TP53INP1: variants seen among roughly 807,000 people sequenced by gnomAD.
The protein encoded by TP53INP1 is tumor protein p53 inducible nuclear protein 1.
Under a neutral mutation model 21.0 loss-of-function variants are expected in TP53INP1, and 12 were observed. The observed-to-expected ratio is 0.57, with a 90% CI of 0.37 to 0.93. The LOEUF is 0.93. TP53INP1 is among the 40% of genes least tolerant of loss of function. The probability of loss-of-function intolerance (pLI) is 0.01; values close to 1 mark genes in which losing one functional copy is unlikely to be tolerated. For synonymous variants in TP53INP1, 91 were observed against 94.8 expected (o/e 0.96, Z 0.23); for missense variants, 274 against 294.7 (o/e 0.93, Z 0.51).
At chr8:94,932,094 A>G (rs1251489543) in intron 3 of TP53INP1, 1 of 1,610,636 alleles carries the variant, frequency 6.2e-7, no homozygotes, top group Non-Finnish European at 8.5e-7. Context: ...TCTTATAAGC[A>G]GCTTTTCCTG....
chr8:94,938,448 C>T (rs1821203390), intron 3 of TP53INP1, among the ~76,000 whole-genome samples: 1 of 152,186 alleles, frequency 6.6e-6, no homozygotes, highest in South Asian at 2.1e-4. Flanking sequence ...ATGTGGAAAG[C>T]GTATGCTAAT....
intron 1 of TP53INP1, among the ~76,000 whole-genome samples, chr8:94,948,383 T>C (rs1205474287): frequency 6.6e-6 from 1 of 152,178 alleles, no homozygotes; most frequent in Non-Finnish European, 1.5e-5. Context: ...CCCAGCATAG[T>C]ATATGGCACA....
At chr8:94,948,013 AC>A (rs908018074) in intron 1 of TP53INP1, among the ~76,000 whole-genome samples, 2 of 152,104 alleles carry the variant, frequency 1.3e-5, no homozygotes, top group Non-Finnish European at 2.9e-5. Flanking sequence ...CTGTTCAGTG[AC>A]CCCAAGGGTC....
At chr8:94,938,503 A>G (rs1821208184) in intron 3 of TP53INP1, among the ~76,000 whole-genome samples, 2 of 152,362 alleles carry the variant, frequency 1.3e-5, no homozygotes, top group East Asian at 3.9e-4. Context: ...TCAGGATGGG[A>G]TGTGGTCACT....
chr8:94,932,791 A>G (rs902134467), intron 3 of TP53INP1, among the ~76,000 whole-genome samples: 6 of 152,228 alleles, frequency 3.9e-5, no homozygotes, highest in African/African-American at 9.6e-5. Flanking sequence ...CGAAGGAGCG[A>G]GACTCCGTCT....
Position 94,940,150 on chromosome 8 carries a change from C to T in TP53INP1, c.183G>A (p.Glu61=), listed in dbSNP as rs780772403. ...EEDISEESPT[E]HPSVFSCLPA... ...GTAAACAGGAAAAGACTGAAGGGTG[C>T]TCAGTAGGTGACTCTTCACTGATGT... Residue 61 remains glutamate, a synonymous_variant, in exon 3 of 4, where the codon GAG becomes GAA. Coordinates refer to ENST00000342697, the MANE Select transcript of TP53INP1 (RefSeq NM_033285.4). 19 of 1,614,042 alleles carry T rather than the reference C, an allele frequency of 1.2e-5. No homozygotes were observed. The African/African-American group carries it at 2.1e-4, about 18-fold the overall frequency.
intron 1 of TP53INP1, chr8:94,945,730 T>A (rs1821925315): frequency 6.6e-6 from 1 of 152,214 alleles, no homozygotes; most frequent in African/African-American, 2.4e-5. Context: ...AAAGCATGTG[T>A]CCTAAGAGGA....
chr8:94,942,658 C>G (rs1821657065), intron 1 of TP53INP1, among the ~76,000 whole-genome samples: 1 of 152,170 alleles, frequency 6.6e-6, no homozygotes, highest in East Asian at 1.9e-4. Context: ...GTGAACAGGG[C>G]CCTCCCACAA....
chr8:94,937,260 G>A (rs1330811755), intron 3 of TP53INP1, among the ~76,000 whole-genome samples: 1 of 152,106 alleles, frequency 6.6e-6, no homozygotes, highest in African/African-American at 2.4e-5. Flanking sequence ...GGCAAATATG[G>A]TGAAACCCCC....
intron 3 of TP53INP1, among the ~76,000 whole-genome samples, chr8:94,931,296 A>C (rs1820367582): frequency 6.6e-6 from 1 of 152,192 alleles, no homozygotes; most frequent in Admixed American, 6.5e-5. Context: ...TTCTAGATAA[A>C]AAGCTATAGC....
rs753959036 is a variant in TP53INP1 at position 94,940,109 on chromosome 8, C to A, written c.224G>T (p.Cys75Phe). Residue 75 changes from cysteine to phenylalanine, a missense_variant, in exon 3 of 4, where the codon TGC (cysteine) becomes TTC (phenylalanine). Cys to Phe is a radical substitution (Grantham distance 205). Transcript: ENST00000342697. ...VFSCLPASLE[C>F]LADTSDSCFL... is the part of the protein sequence containing the mutation. ...GCAGGAATCACTTGTATCAGCCAAG[C>A]ACTCAAGAGATGCCGGTAAACAGGA... 8.1e-6 allele frequency: 13 copies of A among 1,614,104 alleles called. No individual in the cohort carries two copies. In the African/African-American group the frequency reaches 1.5e-4, roughly 18 times the overall value.
At position 94,927,831 on chromosome 8, in the gene TP53INP1, C is replaced by T. The variant is rs947582141; in HGVS notation, c.*2648G>A. ...TGTTAACAGTTTAGAGCTACTAATT[C>T]AGAGAGGTCTTATTTCTCACTGCTT... On this transcript the variant is annotated 3_prime_UTR_variant, in exon 4 of 4. Transcript: ENST00000342697. The T allele has an allele frequency of 3.9e-5, 6 of 152,242 alleles. No homozygotes were observed. Among genetic ancestry groups the T allele is most frequent in the Admixed American group, 1.3e-4 (2 of 15,218 alleles). The allele number at this position is 152,242 out of a possible 1,614,324, so 9.4% of individuals were successfully genotyped here.
At position 94,930,737 on chromosome 8, in the gene TP53INP1, GA is replaced by G. The variant is rs771092479; in HGVS notation, c.474-10del. 6 of 1,606,858 alleles carry G rather than the reference GA, an allele frequency of 3.7e-6. No homozygotes were observed. In the Admixed American group the frequency reaches 8.6e-5, roughly 23 times the overall value. Reference sequence around the variant, plus strand: ...CATTTTGAGCTTCCACTCTGAAACAGAAAAAAGTGGGGATGTATTAAATAAC... The same window carrying G: ...CATTTTGAGCTTCCACTCTGAAACAGAAAAAGTGGGGATGTATTAAATAAC... On this transcript the variant is annotated splice_polypyrimidine_tract_variant and intron_variant, in intron 3 of 3. Transcript: ENST00000342697.
intron 3 of TP53INP1, among the ~76,000 whole-genome samples, chr8:94,933,323 CAA>C (rs1188928965): frequency 6.6e-6 from 1 of 151,950 alleles, no homozygotes; most frequent in Non-Finnish European, 1.5e-5. Context: ...CAAAAACAAA[CAA>C]GATATAAAAA....
In TP53INP1 at chr8:94,929,334, T is replaced by C. The variant is rs1311485498; in HGVS notation, c.*1145A>G. 1 of 150,810 alleles carries C rather than the reference T, an allele frequency of 6.6e-6. No individual in the cohort carries two copies. Among genetic ancestry groups the C allele is most frequent in the Non-Finnish European group, 1.5e-5 (1 of 67,744 alleles). 9.3% of individuals were successfully genotyped at this position (150,810 alleles called of 1,614,324 possible). ...TTGGTGGGGGAAACAGAGGCCAGAG[T>C]GGTTAAAGATTTTGCCTGAAGTTAA... On this transcript the variant is annotated 3_prime_UTR_variant, in exon 4 of 4. Coordinates refer to ENST00000342697, the MANE Select transcript of TP53INP1 (RefSeq NM_033285.4).
chr8:94,934,138 G>C (rs1002079837), intron 3 of TP53INP1, among the ~76,000 whole-genome samples: 8 of 95,572 alleles, frequency 8.4e-5, no homozygotes, highest in South Asian at 4.9e-4. Context: ...TTATGTGTAC[G>C]TACAGGCACA....
At chr8:94,932,601 A>G (rs1317583475) in intron 3 of TP53INP1, among the ~76,000 whole-genome samples, 1 of 152,060 alleles carries the variant, frequency 6.6e-6, no homozygotes, top group African/African-American at 2.4e-5. Flanking sequence ...CAGGAGATCA[A>G]GACCATCCTG....
chr8:94,941,134 CACATATAT>C (rs1473827462), intron 1 of TP53INP1, 43 bp from the exon 2 acceptor site: 2 of 572,886 alleles, frequency 3.5e-6, no homozygotes, highest in Non-Finnish European at 6.2e-6. Context: ...AATCAGCATG[CACATATAT>C]ACATAAGTAC....
At position 94,949,140 on chromosome 8, in the gene TP53INP1, C is replaced by T. The variant is rs949121356; in HGVS notation, c.-151+14G>A. 2 of 149,188 alleles carry T rather than the reference C, an allele frequency of 1.3e-5. No homozygotes were observed. The highest frequency in any genetic ancestry group is 1.9e-4 in the East Asian group (1 of 5,154). The allele number at this position is 149,188 out of a possible 1,614,324, so 9.2% of individuals were successfully genotyped here. On this transcript the variant is annotated intron_variant, in intron 1 of 3. Transcript: ENST00000342697. ...CCCTGGACGGACGCCCGCCCGCCCC[C>T]CCCCGGCACTTACGTGGGCCCGGGC...
Sources: gnomAD v4.1 joint callset for allele counts (sites outside exome capture counted in the v4.1 genomes callset) on GRCh38, gnomAD v4.1.1 for gene constraint, MANE v1.5 for transcripts, NCBI Gene and HGNC (gene_info 2026-07-23, HGNC 2026-07-21) for gene names.